The following ARHGEF10 variants were observed in gnomAD, a reference collection of about 807,000 sequenced individuals.
ARHGEF10 encodes Rho guanine nucleotide exchange factor 10.
ARHGEF10 carries 140 observed loss-of-function variants against 147.4 expected under a neutral mutation model. That is an observed-to-expected ratio of 0.95 (90% CI 0.83 to 1.09). ARHGEF10 has a LOEUF of 1.09. ARHGEF10 is among the 50% of genes least tolerant of loss of function. The probability of loss-of-function intolerance (pLI) is 0.00; values close to 1 mark genes in which losing one functional copy is unlikely to be tolerated. For synonymous variants in ARHGEF10, 902 were observed against 695.8 expected (o/e 1.30, Z -4.67); for missense variants, 2,222 against 1,752.7 (o/e 1.27, Z -4.78).
At chr8:1,926,140 A>T (rs1812674648) in intron 22 of ARHGEF10, among the ~76,000 whole-genome samples, 1 of 152,210 alleles carries the variant, frequency 6.6e-6, no homozygotes, top group Non-Finnish European at 1.5e-5. Flanking sequence ...TGCTGATGGG[A>T]TCTAAAGATT....
At chr8:1,949,968 G>A (rs1234779177) in intron 27 of ARHGEF10, among the ~76,000 whole-genome samples, 1 of 152,120 alleles carries the variant, frequency 6.6e-6, no homozygotes, top group Admixed American at 6.5e-5. Context: ...GGATGGTGTT[G>A]TTTACACCCC....
chr8:1,886,005 C>G (rs553461954), intron 11 of ARHGEF10, among the ~76,000 whole-genome samples: 2 of 152,260 alleles, frequency 1.3e-5, no homozygotes, highest in East Asian at 3.9e-4. Context: ...AACTTGCATT[C>G]TTCGTGGGAG....
At chr8:1,846,688 T>A (rs779533041) in intron 2 of ARHGEF10, among the ~76,000 whole-genome samples, 1 of 152,202 alleles carries the variant, frequency 6.6e-6, no homozygotes, top group Admixed American at 6.5e-5. Flanking sequence ...AGGATTCTCC[T>A]GCCTCAGTCT....
In ARHGEF10 at chr8:1,843,126, G is replaced by A. The variant is rs1424497136; in HGVS notation, c.-47-227G>A. ...AAATAAACTTCTGGCTACATTTCAAGGTGAAGTCACTCCAACACTGAGAAG... is the reference window on the plus strand; with the variant it reads ...AAATAAACTTCTGGCTACATTTCAAAGTGAAGTCACTCCAACACTGAGAAG... On this transcript the variant is annotated intron_variant, in intron 1 of 28. Coordinates refer to ENST00000349830, the MANE Select transcript of ARHGEF10 (RefSeq NM_014629.4). 3.3e-5 allele frequency among the ~76,000 whole-genome samples: 5 copies of A among 152,246 alleles called. No homozygotes were observed. The East Asian group carries it at 5.8e-4, about 18-fold the overall frequency.
intron 1 of ARHGEF10, among the ~76,000 whole-genome samples, chr8:1,841,343 C>T (rs995514152): frequency 3.9e-5 from 6 of 152,204 alleles, no homozygotes; most frequent in Non-Finnish European, 7.3e-5. Flanking sequence ...CTGCCCTGAA[C>T]GCACACTGAT....
intron 21 of ARHGEF10, among the ~76,000 whole-genome samples, chr8:1,924,157 G>A (rs1032840236): frequency 3.9e-5 from 6 of 152,298 alleles, no homozygotes; most frequent in East Asian, 3.9e-4. Context: ...GAGGAAGCCC[G>A]TGGAGCCTGG....
chr8:1,949,819 C>T (rs1047699060), intron 27 of ARHGEF10, among the ~76,000 whole-genome samples: 3 of 145,278 alleles, frequency 2.1e-5, no homozygotes, highest in Non-Finnish European at 3.1e-5. Flanking sequence ...CCGGTGTGGC[C>T]CTGGCCTGTC....
intron 8 of ARHGEF10, 129 bp downstream of exon 8, chr8:1,876,863 A>C (rs1807754679): frequency 1.9e-6 from 2 of 1,054,750 alleles, no homozygotes; most frequent in African/African-American, 3.1e-5. Context: ...AGTTTGGGGA[A>C]AGCATAAGAT....
intron 15 of ARHGEF10, among the ~76,000 whole-genome samples, chr8:1,902,775 CTT>C (rs1394740004): frequency 6.6e-6 from 1 of 152,202 alleles, no homozygotes; most frequent in East Asian, 1.9e-4. Context: ...TGTCATGCAT[CTT>C]TGCCGCCCTA....
intron 18 of ARHGEF10, among the ~76,000 whole-genome samples, chr8:1,911,620 C>G (rs12544979): frequency 0.11 from 16,479 of 152,182 alleles, 974 homozygotes; most frequent in Middle Eastern, 0.14. Flanking sequence ...ACTGGCAGGG[C>G]TTCTATCCCG....
intron 26 of ARHGEF10, among the ~76,000 whole-genome samples, chr8:1,934,354 CAA>C (rs36102342): frequency 6.1e-4 from 72 of 117,360 alleles, no homozygotes; most frequent in Middle Eastern, 4.5e-3. Flanking sequence ...ACCCTGTCTC[CAA>C]AAAAAAAAAA....
intron 11 of ARHGEF10, among the ~76,000 whole-genome samples, chr8:1,891,549 G>A (rs1348449270): frequency 6.6e-6 from 1 of 152,126 alleles, no homozygotes. Context: ...GCTGGGCCAG[G>A]CCCAGGCACC....
intron 1 of ARHGEF10, among the ~76,000 whole-genome samples, chr8:1,834,278 G>A (rs527553146): frequency 2.6e-5 from 4 of 152,358 alleles, no homozygotes; most frequent in East Asian, 3.9e-4. Flanking sequence ...AAGCCCTTGC[G>A]AGACTGAATG....
At chr8:1,939,003 A>T (rs1309502235) in intron 26 of ARHGEF10, among the ~76,000 whole-genome samples, 1 of 150,650 alleles carries the variant, frequency 6.6e-6, no homozygotes, top group African/African-American at 2.5e-5. Flanking sequence ...AACACTGTTG[A>T]ATACCAGTCC....
At chr8:1,857,630 G>A (rs571737876) in intron 2 of ARHGEF10, among the ~76,000 whole-genome samples, 6 of 151,942 alleles carry the variant, frequency 3.9e-5, no homozygotes, top group Non-Finnish European at 8.8e-5. Context: ...ATGTTGGCCA[G>A]GCTGGTCTCA....
chr8:1,857,696 A>G (rs749455684), intron 2 of ARHGEF10, among the ~76,000 whole-genome samples: 10 of 139,694 alleles, frequency 7.2e-5, no homozygotes, highest in Non-Finnish European at 7.6e-5. Flanking sequence ...GGGATTACAG[A>G]TGTGAGCTAC....
intron 7 of ARHGEF10, among the ~76,000 whole-genome samples, chr8:1,871,394 T>C (rs946125345): frequency 3.3e-5 from 5 of 152,198 alleles, no homozygotes; most frequent in Admixed American, 2.0e-4. Context: ...AAAAATGATA[T>C]ACTACTCTGT....
intron 8 of ARHGEF10, among the ~76,000 whole-genome samples, chr8:1,878,117 A>G (rs922498374): frequency 6.6e-6 from 1 of 152,164 alleles, no homozygotes; most frequent in Non-Finnish European, 1.5e-5. Flanking sequence ...TCTTCCAGGA[A>G]TTAGATCTTT....
chr8:1,858,295 C>G (rs941961621), intron 3 of ARHGEF10, among the ~76,000 whole-genome samples, 180 bp downstream of exon 3: 9 of 151,624 alleles, frequency 5.9e-5, no homozygotes, highest in African/African-American at 2.2e-4. Context: ...TCACCGGCAT[C>G]AGGGTCACCT....
Sources: allele counts gnomAD v4.1 joint callset (sites outside exome capture counted in the v4.1 genomes callset), GRCh38; gene constraint gnomAD v4.1.1; transcripts MANE v1.5; gene names NCBI Gene and HGNC (gene_info 2026-07-23, HGNC 2026-07-21).